Variants in PRH1 observed in about 807,000 individuals in gnomAD.
PRH1 encodes the protein proline rich protein HaeIII subfamily 1, also known as salivary acidic proline-rich phosphoprotein 1/2.
A neutral mutation model predicts 7.9 loss-of-function variants in PRH1; 7 were observed. The observed-to-expected ratio is 0.89, with a 90% confidence interval of 0.50 to 1.67. The LOEUF (loss-of-function observed/expected upper bound fraction) is 1.67, where lower values mean the gene tolerates loss of function less well. Ranked by LOEUF, PRH1 falls within the 40% of genes most tolerant of loss-of-function variation. The pLI, the probability that PRH1 is intolerant of heterozygous loss-of-function variation, is 0.00. For synonymous variants in PRH1, 45 were observed against 80.8 expected (o/e 0.56, Z 2.38); for missense variants, 109 against 223.6 (o/e 0.49, Z 3.27).
intron 2 of PRH1, among the ~76,000 whole-genome samples, chr12:10,961,825 T>G (rs978842600): frequency 6.6e-5 from 10 of 152,230 alleles, no homozygotes; most frequent in African/African-American, 1.4e-4. Context: ...CATGGACTAA[T>G]GCTGGCTGTG....
chr12:11,083,523 T>A (rs1330402222), intron 1 of PRH1, among the ~76,000 whole-genome samples: 1 of 43,978 alleles, frequency 2.3e-5, no homozygotes, highest in African/African-American at 9.7e-5. Flanking sequence ...TTTATTATTG[T>A]GAAACATAAC....
chr12:11,118,448 G>A (rs922364825), downstream of PRH1, among the ~76,000 whole-genome samples: 2 of 152,100 alleles, frequency 1.3e-5, no homozygotes, highest in South Asian at 2.1e-4. Flanking sequence ...GTGGAGAAAC[G>A]GGAACCACTG....
At chr12:11,155,673 T>A (rs879901522) in intron 1 of PRH1, among the ~76,000 whole-genome samples, 7 of 152,214 alleles carry the variant, frequency 4.6e-5, no homozygotes, top group South Asian at 4.1e-4. Context: ...CTTTGTTGCA[T>A]GTACATGTGG....
At chr12:10,987,274 G>A (rs1276295295) in intron 1 of PRH1, among the ~76,000 whole-genome samples, 8 of 152,200 alleles carry the variant, frequency 5.3e-5, no homozygotes, top group Middle Eastern at 3.4e-3. Context: ...CTGTTAGATA[G>A]GGAAATTTTA....
chr12:10,944,792 C>A (rs1030354984), intron 2 of PRH1, among the ~76,000 whole-genome samples: 2 of 152,066 alleles, frequency 1.3e-5, no homozygotes, highest in African/African-American at 4.8e-5. Context: ...TTATCAAAAG[C>A]CTTTTCTGCA....
At chr12:10,925,114 T>C (rs1448774533) in intron 2 of PRH1, among the ~76,000 whole-genome samples, 1 of 152,238 alleles carries the variant, frequency 6.6e-6, no homozygotes, top group African/African-American at 2.4e-5. Flanking sequence ...GGCAATCCAC[T>C]CTGACTCCCC....
intron 1 of PRH1, among the ~76,000 whole-genome samples, chr12:11,083,109 T>C (rs952814543): frequency 8.5e-6 from 1 of 117,728 alleles, no homozygotes; most frequent in African/African-American, 2.8e-5. Context: ...AAAATGTGTA[T>C]AATTATTTTA....
At chr12:11,013,051 A>C (rs1941137506) in intron 1 of PRH1, among the ~76,000 whole-genome samples, 1 of 152,210 alleles carries the variant, frequency 6.6e-6, no homozygotes, top group African/African-American at 2.4e-5. Flanking sequence ...TTATATACTC[A>C]GTGCAATCCC....
At chr12:10,917,987 C>T (rs1035747440) in intron 2 of PRH1, among the ~76,000 whole-genome samples, 1 of 152,168 alleles carries the variant, frequency 6.6e-6, no homozygotes, top group Non-Finnish European at 1.5e-5. Context: ...AACTTCCCAG[C>T]CTGCAGAAAC....
intron 1 of PRH1, among the ~76,000 whole-genome samples, chr12:11,105,065 T>C (rs531677978): frequency 7.8e-4 from 118 of 152,120 alleles, no homozygotes; most frequent in Non-Finnish European, 1.4e-3. Flanking sequence ...TTGTTATAAG[T>C]AACTGTAATT....
At chr12:11,066,857 T>C (rs1245179321) in intron 1 of PRH1, among the ~76,000 whole-genome samples, 2 of 140,276 alleles carry the variant, frequency 1.4e-5, no homozygotes, top group African/African-American at 5.1e-5. Context: ...AAAACCAACA[T>C]ATTTTCAAGA....
intron 2 of PRH1, among the ~76,000 whole-genome samples, chr12:10,921,416 C>A (rs1950043889): frequency 6.6e-6 from 1 of 152,012 alleles, no homozygotes; most frequent in Non-Finnish European, 1.5e-5. Context: ...AAAAACTTGG[C>A]AATTTCAACT....
intron 2 of PRH1, among the ~76,000 whole-genome samples, chr12:10,920,533 A>T (rs1397003312): frequency 6.6e-6 from 1 of 152,102 alleles, no homozygotes; most frequent in Non-Finnish European, 1.5e-5. Flanking sequence ...TAAGAAAGGG[A>T]ATTTTTTTAA....
intron 1 of PRH1, among the ~76,000 whole-genome samples, chr12:11,056,689 C>A (rs1447081040): frequency 6.6e-6 from 1 of 151,966 alleles, no homozygotes; most frequent in Non-Finnish European, 1.5e-5. Flanking sequence ...GTGGTGGTGC[C>A]CGTCTGTAAT....
chr12:11,088,119 T>A (rs1187500395), intron 1 of PRH1, among the ~76,000 whole-genome samples: 14 of 130,950 alleles, frequency 1.1e-4, no homozygotes, highest in Non-Finnish European at 3.5e-5. Context: ...CACGGGAAGA[T>A]CATTTGAGCC....
At chr12:11,024,486 C>A (rs180683327) in intron 1 of PRH1, among the ~76,000 whole-genome samples, 12 of 152,314 alleles carry the variant, frequency 7.9e-5, no homozygotes, top group African/African-American at 2.6e-4. Flanking sequence ...AGGTATTCGA[C>A]CCTAAACTCA....
chr12:11,066,396 G>C (rs1025593472), intron 1 of PRH1, among the ~76,000 whole-genome samples: 1 of 151,912 alleles, frequency 6.6e-6, no homozygotes, highest in Non-Finnish European at 1.5e-5. Flanking sequence ...AATCTAAATT[G>C]TTTCTATAGT....
At chr12:10,951,352 CT>C (rs747162228) in intron 2 of PRH1, among the ~76,000 whole-genome samples, 1 of 152,140 alleles carries the variant, frequency 6.6e-6, no homozygotes, top group Non-Finnish European at 1.5e-5. Context: ...CTGAAGGAAG[CT>C]TGATCATAAC....
intron 2 of PRH1, chr12:10,909,069 A>C: frequency 6.2e-7 from 1 of 1,613,686 alleles, no homozygotes; most frequent in Non-Finnish European, 8.5e-7. Flanking sequence ...TGTTCCAGAC[A>C]CAAATATGGC....
Sources: allele counts gnomAD v4.1 joint callset (sites outside exome capture counted in the v4.1 genomes callset), GRCh38; gene constraint gnomAD v4.1.1; transcripts MANE v1.5; gene names NCBI Gene and HGNC (gene_info 2026-07-23, HGNC 2026-07-21).